Variants in DNAAF9 observed in about 807,000 individuals in gnomAD.
The protein encoded by DNAAF9 is dynein axonemal assembly factor 9.
DNAAF9 carries 90 observed loss-of-function variants against 167.0 expected under a neutral mutation model. The observed-to-expected ratio is 0.54, with a 90% CI of 0.45 to 0.64. The LOEUF (loss-of-function observed/expected upper bound fraction) is 0.64, where lower values mean the gene tolerates loss of function less well. Among genes scored for constraint, DNAAF9 ranks in the 30% least tolerant of loss-of-function variants. The probability of loss-of-function intolerance (pLI) is 0.00; values close to 1 mark genes in which losing one functional copy is unlikely to be tolerated. For missense variants in DNAAF9, 1,315 were observed against 1,442.2 expected (o/e 0.91, Z 1.43); for synonymous variants, 491 against 508.8 (o/e 0.96, Z 0.47).
At chr20:3,334,138 T>A (rs935412917) in intron 10 of DNAAF9, among the ~76,000 whole-genome samples, 5 of 152,204 alleles carry the variant, frequency 3.3e-5, no homozygotes, top group Non-Finnish European at 4.4e-5. Context: ...ATCCAGATAA[T>A]CTTACCCACA....
intron 12 of DNAAF9, 36 bp from the exon 13 acceptor site, chr20:3,326,320 A>C (rs1265235063): frequency 1.4e-6 from 2 of 1,391,042 alleles, no homozygotes; most frequent in Non-Finnish European, 2.0e-6. Context: ...ACATTACAGC[A>C]TCATGAGGTT....
chr20:3,252,742 GC>G, intron 36 of DNAAF9, 58 bp from the exon 37 acceptor site: 1 of 1,013,978 alleles, frequency 9.9e-7, no homozygotes, highest in Non-Finnish European at 1.6e-6. Context: ...GGCTGCCTGA[GC>G]CCAGAGCGGC....
chr20:3,275,632 C>T (rs1039735227), intron 29 of DNAAF9, among the ~76,000 whole-genome samples: 1 of 152,192 alleles, frequency 6.6e-6, no homozygotes, highest in Non-Finnish European at 1.5e-5. Context: ...TGCCACCTGC[C>T]AAGAGGAAAT....
Position 3,252,424 on chromosome 20 carries a change from A to G in DNAAF9, c.*148T>C. The stretch of plus-strand genomic sequence containing the variant: ...CTTCAGCGCTATACAGGGAATAAAG[A>G]CAACATGCACTCAAGCCAGCCCACA... On this transcript the variant is annotated 3_prime_UTR_variant, in exon 37 of 37. Coordinates refer to ENST00000252032, the MANE Select transcript of DNAAF9 (RefSeq NM_001009984.3). 1.6e-6 allele frequency: 1 copy of G among 615,216 alleles called. No homozygotes were observed. The allele number at this position is 615,216 out of a possible 1,614,324, so 38.1% of individuals were successfully genotyped here.
chr20:3,398,770 T>C (rs984414758), intron 1 of DNAAF9, among the ~76,000 whole-genome samples: 2 of 152,222 alleles, frequency 1.3e-5, no homozygotes, highest in African/African-American at 4.8e-5. Context: ...AGGACTGCTA[T>C]GGGTTTAAGA....
intron 23 of DNAAF9, 72 bp downstream of exon 23, chr20:3,296,789 G>C (rs1002800612): frequency 1.2e-4 from 111 of 931,242 alleles, no homozygotes; most frequent in Non-Finnish European, 1.8e-4. Flanking sequence ...TACATAATGC[G>C]AGGCATCCTG....
At chr20:3,278,993 A>C (rs2068720665) in intron 28 of DNAAF9, 44 bp from the exon 29 acceptor site, 1 of 1,387,052 alleles carries the variant, frequency 7.2e-7, no homozygotes, top group African/African-American at 1.4e-5. Flanking sequence ...CATTCACCTC[A>C]GAGTTGTCAC....
intron 10 of DNAAF9, among the ~76,000 whole-genome samples, chr20:3,336,258 GTT>G (rs367718705): frequency 3.5e-5 from 4 of 113,560 alleles, no homozygotes; most frequent in South Asian, 3.0e-4. Flanking sequence ...TTGCGTTTTT[GTT>G]TTTTTTTTTT....
intron 1 of DNAAF9, among the ~76,000 whole-genome samples, chr20:3,386,009 C>G (rs1008690398): frequency 6.6e-6 from 1 of 151,988 alleles, no homozygotes; most frequent in Admixed American, 6.6e-5. Flanking sequence ...TTTACATAAG[C>G]CAGGAACAGT....
chr20:3,300,293 G>T (rs903329866), intron 21 of DNAAF9, among the ~76,000 whole-genome samples: 1 of 152,200 alleles, frequency 6.6e-6, no homozygotes, highest in Non-Finnish European at 1.5e-5. Flanking sequence ...TGTCTTAATA[G>T]TAAGTCTTCT....
intron 21 of DNAAF9, among the ~76,000 whole-genome samples, 165 bp downstream of exon 21, chr20:3,304,275 C>T (rs1323344357): frequency 6.6e-6 from 1 of 152,148 alleles, no homozygotes; most frequent in Non-Finnish European, 1.5e-5. Context: ...CTTGAGAATG[C>T]CCAGGCCTCT....
chr20:3,340,255 C>T (rs3746630), intron 10 of DNAAF9, among the ~76,000 whole-genome samples: 38,086 of 152,058 alleles, frequency 0.25, 5,371 homozygotes, highest in African/African-American at 0.37. Flanking sequence ...TGTGAAACTA[C>T]GTTCTTAACC....
chr20:3,286,828 T>C (rs1423354248), intron 27 of DNAAF9, among the ~76,000 whole-genome samples: 1 of 152,152 alleles, frequency 6.6e-6, no homozygotes, highest in African/African-American at 2.4e-5. Flanking sequence ...AACACTAACA[T>C]AGCACAAAAG....
intron 27 of DNAAF9, among the ~76,000 whole-genome samples, chr20:3,285,345 G>A (rs138691493): frequency 3.7e-4 from 57 of 152,120 alleles, no homozygotes; most frequent in Admixed American, 1.8e-3. Context: ...TCAGGAGTTC[G>A]AGACCAGCCT....
intron 21 of DNAAF9, among the ~76,000 whole-genome samples, chr20:3,301,178 C>CTTTTTTTTTTT (rs11469332): frequency 4.0e-5 from 5 of 125,154 alleles, no homozygotes; most frequent in Non-Finnish European, 6.6e-5. Context: ...TCATGCTTGG[C>CTTTTTTTTTTT]TTTTTTTTTT....
At chr20:3,293,049 GCA>G (rs1050948711) in intron 25 of DNAAF9, among the ~76,000 whole-genome samples, 51 of 151,696 alleles carry the variant, frequency 3.4e-4, no homozygotes, top group Admixed American at 3.1e-3. Context: ...TTGTGCCATT[GCA>G]CTTCAGCCTA....
intron 23 of DNAAF9, chr20:3,295,352 G>C (rs1288912555): frequency 5.6e-6 from 1 of 179,622 alleles, no homozygotes; most frequent in Non-Finnish European, 1.2e-5. Flanking sequence ...GATAGTTTTT[G>C]TATTTTTAGA....
At chr20:3,358,287 CCTTTT>C (rs2083316298) in intron 7 of DNAAF9, among the ~76,000 whole-genome samples, 1 of 151,368 alleles carries the variant, frequency 6.6e-6, no homozygotes, top group Non-Finnish European at 1.5e-5. Flanking sequence ...CATGGTATAC[CCTTTT>C]CTTTTTTTTT....
intron 29 of DNAAF9, among the ~76,000 whole-genome samples, chr20:3,273,098 C>T (rs1038595662): frequency 5.3e-5 from 8 of 152,040 alleles, no homozygotes; most frequent in Non-Finnish European, 8.8e-5. Context: ...CCCAAAGTGC[C>T]GTGATTACAG....
Sources: allele counts gnomAD v4.1 joint callset (sites outside exome capture counted in the v4.1 genomes callset), GRCh38; gene constraint gnomAD v4.1.1; transcripts MANE v1.5; gene names NCBI Gene and HGNC (gene_info 2026-07-23, HGNC 2026-07-21).